The following OTOG variants were observed in gnomAD, a reference collection of about 807,000 sequenced individuals.
OTOG encodes otogelin.
In OTOG, 296 loss-of-function variants were observed where a neutral mutation model predicts 313.8. The observed-to-expected ratio is 0.94, with a 90% CI of 0.86 to 1.04. The LOEUF (loss-of-function observed/expected upper bound fraction) is 1.04. Among genes scored for constraint, OTOG ranks in the 50% least tolerant of loss-of-function variants. The pLI, the probability that OTOG is intolerant of heterozygous loss-of-function variation, is 0.00. For missense variants in OTOG, 3,948 were observed against 3,840.1 expected (o/e 1.03, Z -0.74); for synonymous variants, 1,533 against 1,554.9 (o/e 0.99, Z 0.33).
intron 32 of OTOG, among the ~76,000 whole-genome samples, chr11:17,604,750 T>C (rs141902764): frequency 5.9e-5 from 9 of 152,288 alleles, no homozygotes; most frequent in African/African-American, 2.2e-4. Flanking sequence ...ACTCAGTAAA[T>C]ATTTGCTGCT....
chr11:17,645,687 G>C (rs1848061216), intron 55 of OTOG, 44 bp downstream of exon 55: 4 of 1,550,708 alleles, frequency 2.6e-6, no homozygotes, highest in Middle Eastern at 3.3e-4. Flanking sequence ...AAAATGGGAT[G>C]GAGGGGGTTT....
rs113827071 is a variant in OTOG at position 17,621,123 on chromosome 11, C to A, written c.6528+7422C>A. Among the ~76,000 whole-genome samples, 364 of 152,226 alleles carry A rather than the reference C, an allele frequency of 2.4e-3. 1 individual carries two copies. The highest frequency in any genetic ancestry group is 8.3e-3 in the African/African-American group (343 of 41,520). Reference sequence around the variant, plus strand: ...TTTCATTATAGGTTGTATTTTCCTGCTTCTTTGCATGCCTGACAATGTTTT... The same window carrying A: ...TTTCATTATAGGTTGTATTTTCCTGATTCTTTGCATGCCTGACAATGTTTT... On this transcript the variant is annotated intron_variant, in intron 39 of 55. Coordinates refer to ENST00000399397, the MANE Select transcript of OTOG (RefSeq NM_001292063.2).
intron 32 of OTOG, among the ~76,000 whole-genome samples, chr11:17,603,161 G>A (rs1231899547): frequency 6.6e-6 from 1 of 152,174 alleles, no homozygotes; most frequent in African/African-American, 2.4e-5. Context: ...TGTTCACGGT[G>A]GTGTGAGCCT....
intron 23 of OTOG, among the ~76,000 whole-genome samples, chr11:17,578,830 C>T (rs1346349066): frequency 6.6e-6 from 1 of 152,214 alleles, no homozygotes; most frequent in Non-Finnish European, 1.5e-5. Flanking sequence ...AGTGGAAGCA[C>T]TGAGTGGGGT....
chr11:17,601,070 A>C (rs1482809381), intron 31 of OTOG, among the ~76,000 whole-genome samples: 2 of 152,192 alleles, frequency 1.3e-5, no homozygotes, highest in African/African-American at 2.4e-5. Flanking sequence ...CGCCATGGAA[A>C]TCCAGAAGCC....
Position 17,612,190 on chromosome 11 carries a change from A to G in OTOG, c.6152A>G (p.His2051Arg). ...ATCGCCGAGCAGGACTGCGTCCGCC[A>G]CATCTGCCTGGAGGGCCAGCTGATT... is the stretch of plus-strand genomic sequence containing the variant. ...VPIAEQDCVR[H>R]ICLEGQLIRV... The change falls in exon 37 of 56, where the codon CAC (histidine) becomes CGC (arginine). Residue 2051 changes from histidine (H) to arginine (R), a missense_variant. Physicochemically the swap from His to Arg is conservative, Grantham distance 29. Transcript: ENST00000399397. 5 of 1,549,990 alleles carry G rather than the reference A, an allele frequency of 3.2e-6. No homozygotes were observed. In the South Asian group the frequency reaches 4.8e-5, roughly 15 times the overall value.
chr11:17,554,437 T>G (rs1374520006), intron 6 of OTOG, among the ~76,000 whole-genome samples: 2 of 152,246 alleles, frequency 1.3e-5, no homozygotes, highest in Non-Finnish European at 2.9e-5. Context: ...GGCCTGATTT[T>G]CATGCCTAAC....
Position 17,636,539 on chromosome 11 carries a change from G to A in OTOG, c.7795+828G>A, listed in dbSNP as rs138707199. On this transcript the variant is annotated intron_variant, in intron 47 of 55. Coordinates refer to ENST00000399397, the MANE Select transcript of OTOG (RefSeq NM_001292063.2). ...TGGTTCAATGTGAAGAGCCACCTCC[G>A]AAACAATGTAGGCTCCCATCCCATG... is the stretch of plus-strand genomic sequence containing the variant. Among the ~76,000 whole-genome samples, 35 of 152,224 alleles carry A rather than the reference G, an allele frequency of 2.3e-4. No homozygotes were observed. The East Asian group carries it at 3.7e-3, about 16-fold the overall frequency.
At chr11:17,627,063 A>C (rs191322542) in intron 39 of OTOG, among the ~76,000 whole-genome samples, 2 of 152,352 alleles carry the variant, frequency 1.3e-5, no homozygotes, top group Admixed American at 1.3e-4. Context: ...ATCGTCTGCA[A>C]ACAGGATAAT....
chr11:17,562,623 A>G (rs1852214871), intron 15 of OTOG, among the ~76,000 whole-genome samples: 1 of 152,236 alleles, frequency 6.6e-6, no homozygotes, highest in African/African-American at 2.4e-5. Flanking sequence ...AATGTTAGAA[A>G]GACCAGTGTG....
intron 15 of OTOG, among the ~76,000 whole-genome samples, chr11:17,562,037 T>TAAAA (rs560554139): frequency 5.2e-4 from 68 of 131,828 alleles, no homozygotes; most frequent in South Asian, 3.2e-3. Context: ...TTTTACTACC[T>TAAAA]AAAAAAAAAA....
intron 17 of OTOG, 166 bp downstream of exon 17, chr11:17,570,556 AG>A (rs1182597959): frequency 2.8e-6 from 2 of 708,166 alleles, no homozygotes; most frequent in Non-Finnish European, 4.5e-6. Context: ...GTTTCTTTAA[AG>A]CAGCGGTTCA....
chr11:17,645,854 G>A lies in OTOG; in HGVS notation c.8652G>A (p.Arg2884=). ...GCTGCCGTGAGGTGGGCCTGCAGCG[G>A]CGCTCTGTGCAGCTCTTCTGTGCCA... ...CKCCREVGLQ[R]RSVQLFCATN... The change falls in exon 56 of 56, where the codon CGG becomes CGA. Residue 2884 remains arginine (R), a synonymous_variant. Coordinates refer to ENST00000399397, the MANE Select transcript of OTOG (RefSeq NM_001292063.2). The A allele has an allele frequency of 2.6e-6, 4 of 1,550,858 alleles. No individual in the cohort carries two copies. The highest frequency in any genetic ancestry group is 3.5e-6 in the Non-Finnish European group (4 of 1,147,050).
intron 24 of OTOG, among the ~76,000 whole-genome samples, chr11:17,588,359 A>G (rs1330033102): frequency 6.6e-6 from 1 of 152,040 alleles, no homozygotes; most frequent in African/African-American, 2.4e-5. Context: ...ATTTGCTGGG[A>G]TCTCTTTACC....
intron 33 of OTOG, 31 bp downstream of exon 33, chr11:17,606,166 C>G: frequency 6.7e-7 from 1 of 1,501,510 alleles, no homozygotes; most frequent in Non-Finnish European, 8.9e-7. Context: ...GCCCTCGGCC[C>G]TTTGGCCCTC....
At chr11:17,637,440 AC>A (rs1371844894) in intron 47 of OTOG, among the ~76,000 whole-genome samples, 2 of 152,098 alleles carry the variant, frequency 1.3e-5, no homozygotes, top group Non-Finnish European at 2.9e-5. Flanking sequence ...CCATGCCATG[AC>A]CCTGCAGAGA....
intron 8 of OTOG, among the ~76,000 whole-genome samples, chr11:17,557,733 G>A (rs1027964538): frequency 4.6e-5 from 7 of 152,140 alleles, no homozygotes; most frequent in African/African-American, 1.2e-4. Flanking sequence ...CCAAATCATG[G>A]TGGCTCTGGC....
Position 17,610,276 on chromosome 11 carries a change from C to T in OTOG, c.4976C>T (p.Thr1659Ile), listed in dbSNP as rs776148925. Reference sequence around the variant, plus strand: ...CCTGGAGCCATCTCCAGGTCCCCCACCTCCTCGGGATCCCACAAGGCTGTG... The same window carrying T: ...CCTGGAGCCATCTCCAGGTCCCCCATCTCCTCGGGATCCCACAAGGCTGTG... ...ASPGAISRSP[T>I]SSGSHKAVLT... is the part of the protein sequence containing the mutation. The change falls in exon 36 of 56, where the codon ACC (threonine) becomes ATC (isoleucine). Residue 1659 changes from threonine (T) to isoleucine (I), a missense_variant. Transcript: ENST00000399397. 1.9e-6 allele frequency: 3 copies of T among 1,550,676 alleles called. No homozygotes were observed. Among genetic ancestry groups the T allele is most frequent in the South Asian group, 1.2e-5 (1 of 84,068 alleles).
At chr11:17,571,932 C>T (rs913161953) in intron 17 of OTOG, 148 bp from the exon 18 acceptor site, 25 of 1,043,604 alleles carry the variant, frequency 2.4e-5, no homozygotes, top group African/African-American at 1.8e-4. Context: ...GGTGAGTACA[C>T]GTGCTCCTCT....
Sources: gnomAD v4.1 joint callset for allele counts (sites outside exome capture counted in the v4.1 genomes callset) on GRCh38, gnomAD v4.1.1 for gene constraint, MANE v1.5 for transcripts, NCBI Gene and HGNC (gene_info 2026-07-23, HGNC 2026-07-21) for gene names.